Variants in LAPTM4B observed in about 807,000 individuals in gnomAD.
LAPTM4B encodes lysosomal protein transmembrane 4 beta, also known as lysosomal-associated transmembrane protein 4B.
In LAPTM4B, 26 loss-of-function variants were observed where a neutral mutation model predicts 28.5. The ratio of observed to expected loss-of-function variants is 0.91; its 90% CI spans 0.67 to 1.27. LAPTM4B has a LOEUF of 1.27. Among genes scored for constraint, LAPTM4B ranks in the 50% most tolerant of loss-of-function variants. LAPTM4B has a pLI of 0.00. For missense variants in LAPTM4B, 288 were observed against 285.8 expected (o/e 1.01, Z -0.06); for synonymous variants, 109 against 106.4 (o/e 1.02, Z -0.15).
intron 1 of LAPTM4B, among the ~76,000 whole-genome samples, chr8:97,787,219 C>T (rs1816417341): frequency 6.6e-6 from 1 of 151,748 alleles, no homozygotes; most frequent in Admixed American, 6.6e-5. Context: ...ATCACTTTCA[C>T]TTACATCCCA....
At chr8:97,804,031 A>G (rs1816725967) in intron 1 of LAPTM4B, among the ~76,000 whole-genome samples, 1 of 152,266 alleles carries the variant, frequency 6.6e-6, no homozygotes, top group South Asian at 2.1e-4. Context: ...ATTTGAGAAG[A>G]GTAAAACATA....
Position 97,800,484 on chromosome 8 carries a change from C to CTTTTTTTTTTTTT in LAPTM4B, c.100-4854_100-4842dup, listed in dbSNP as rs546425169. On this transcript the variant is annotated intron_variant, in intron 1 of 6. Transcript: ENST00000521545. ...CTTCTGTAATATTACCCCTTGACCT[C>CTTTTTTTTTTTTT]TTTTTTTTTTTTTTTTTTTTTTTTT... 2.9e-4 allele frequency among the ~76,000 whole-genome samples: 20 copies of CTTTTTTTTTTTTT among 69,326 alleles called. 2 individuals carry two copies. The highest frequency in any genetic ancestry group is 1.5e-3 in the African/African-American group (20 of 13,392). The allele number at this position is 69,326 out of a possible 152,430, so 45.5% of individuals were successfully genotyped here.
chr8:97,809,147 T>C (rs1307624232), intron 2 of LAPTM4B, among the ~76,000 whole-genome samples: 1 of 152,122 alleles, frequency 6.6e-6, no homozygotes, highest in Non-Finnish European at 1.5e-5. Context: ...TCATGTCAGA[T>C]AGTTATTACC....
intron 6 of LAPTM4B, among the ~76,000 whole-genome samples, chr8:97,833,340 C>T (rs1430923122): frequency 6.6e-6 from 1 of 151,966 alleles, no homozygotes; most frequent in African/African-American, 2.4e-5. Context: ...GAAATAGCAG[C>T]GAAACTCCAT....
rs754085177 is a variant in LAPTM4B, at chr8:97,805,455, G to A, written c.202G>A (p.Asp68Asn). The stretch of plus-strand genomic sequence containing the variant: ...ACTGGGAGGTGACTTTGAGTTCATG[G>A]ATGATGCCAGTAAGTAGTAGATATT... ...SELGGDFEFM[D>N]DANMCIAIAI... Residue 68 changes from aspartate to asparagine, a missense_variant, in exon 2 of 7, where the codon GAT becomes AAT. Coordinates refer to ENST00000521545, the MANE Select transcript of LAPTM4B (RefSeq NM_018407.6). 3 of 1,584,716 alleles carry A rather than the reference G, an allele frequency of 1.9e-6. No individual in the cohort carries two copies. The highest frequency in any genetic ancestry group is 2.6e-6 in the Non-Finnish European group (3 of 1,153,912).
intron 6 of LAPTM4B, among the ~76,000 whole-genome samples, chr8:97,834,926 G>A (rs930671619): frequency 2.6e-5 from 4 of 152,180 alleles, no homozygotes; most frequent in Non-Finnish European, 5.9e-5. Flanking sequence ...GCTTTTTAAA[G>A]CAGGGCTCTG....
chr8:97,794,756 C>G (rs1355597700), intron 1 of LAPTM4B, among the ~76,000 whole-genome samples: 2 of 152,156 alleles, frequency 1.3e-5, no homozygotes, highest in African/African-American at 4.8e-5. Context: ...CTCTGTCACC[C>G]ACGCTGGAGT....
intron 6 of LAPTM4B, among the ~76,000 whole-genome samples, chr8:97,842,844 C>A (rs1303399913): frequency 6.8e-6 from 1 of 147,576 alleles, no homozygotes; most frequent in Non-Finnish European, 1.5e-5. Context: ...GTAAGGATAT[C>A]TTTTTCCTGC....
At chr8:97,806,170 G>A (rs1482731355) in intron 2 of LAPTM4B, among the ~76,000 whole-genome samples, 2 of 152,174 alleles carry the variant, frequency 1.3e-5, no homozygotes, top group South Asian at 4.1e-4. Context: ...GAGATCGGAA[G>A]CATTCGAAAG....
At chr8:97,777,676 G>C (rs1315797314) in intron 1 of LAPTM4B, among the ~76,000 whole-genome samples, 1 of 152,274 alleles carries the variant, frequency 6.6e-6, no homozygotes, top group South Asian at 2.1e-4. Flanking sequence ...AATTTTTGGC[G>C]TGAAAGTATT....
intron 5 of LAPTM4B, among the ~76,000 whole-genome samples, chr8:97,823,041 T>C (rs1349539217): frequency 1.3e-5 from 2 of 152,016 alleles, no homozygotes; most frequent in Non-Finnish European, 2.9e-5. Context: ...CAGGGTTTCA[T>C]CGCGTTAGCC....
At chr8:97,829,345 G>A (rs1817143346) in intron 6 of LAPTM4B, among the ~76,000 whole-genome samples, 1 of 152,178 alleles carries the variant, frequency 6.6e-6, no homozygotes, top group African/African-American at 2.4e-5. Context: ...TGAGCGGTAA[G>A]CGTCTTTCTA....
At chr8:97,812,182 A>G (rs1816839309) in intron 2 of LAPTM4B, among the ~76,000 whole-genome samples, 1 of 150,560 alleles carries the variant, frequency 6.6e-6, no homozygotes. Flanking sequence ...ACTTTTTTTT[A>G]AAGGATAAGT....
Position 97,851,514 on chromosome 8 carries a change from T to G in LAPTM4B, c.*40T>G, listed in dbSNP as rs1444686960. ...GGAGCTGAGGGCAGCAGCTTGACTT[T>G]GCAGACATCTGAGCAATAGTTCTGT... On this transcript the variant is annotated 3_prime_UTR_variant, in exon 7 of 7. Coordinates refer to ENST00000521545, the MANE Select transcript of LAPTM4B (RefSeq NM_018407.6). 7.0e-7 allele frequency: 1 copy of G among 1,428,434 alleles called. No homozygotes were observed. Among genetic ancestry groups the G allele is most frequent in the African/African-American group, 1.4e-5 (1 of 70,866 alleles). 88.5% of individuals were successfully genotyped at this position (1,428,434 alleles called of 1,614,324 possible). A position where few individuals can be genotyped will look rare whatever the true frequency, so the allele number is the denominator to read the frequency against.
At chr8:97,837,973 C>A (rs938777601) in intron 6 of LAPTM4B, among the ~76,000 whole-genome samples, 41 of 151,874 alleles carry the variant, frequency 2.7e-4, no homozygotes, top group African/African-American at 9.7e-4. Flanking sequence ...TTTTAAAAGC[C>A]CAAAACAAAA....
At chr8:97,787,226 C>T (rs1350252596) in intron 1 of LAPTM4B, among the ~76,000 whole-genome samples, 1 of 151,790 alleles carries the variant, frequency 6.6e-6, no homozygotes, top group African/African-American at 2.4e-5. Flanking sequence ...TCACTTACAT[C>T]CCAGTAACCA....
intron 2 of LAPTM4B, among the ~76,000 whole-genome samples, chr8:97,811,478 T>C (rs891814188): frequency 6.6e-6 from 1 of 152,180 alleles, no homozygotes; most frequent in African/African-American, 2.4e-5. Context: ...CTGTACTGTG[T>C]GTATGCTTAT....
intron 1 of LAPTM4B, among the ~76,000 whole-genome samples, chr8:97,800,893 C>G (rs940276529): frequency 1.3e-5 from 2 of 152,042 alleles, no homozygotes; most frequent in African/African-American, 4.8e-5. Flanking sequence ...AGGAGGATCA[C>G]TTGAGCCTGA....
Position 97,776,065 on chromosome 8 carries a change from GC to G in LAPTM4B, c.58del (p.His20MetfsTer14), listed in dbSNP as rs1273117846. ...RFYSNSCCLC[C>X]HVRTGTILLG... ...TACTCCAACAGCTGCTGCTTGTGCT[GC>G]CATGTCCGCACCGGCACCATCCTGC... On this transcript the variant is annotated frameshift_variant, in exon 1 of 7. Coordinates refer to ENST00000521545, the MANE Select transcript of LAPTM4B (RefSeq NM_018407.6). LOFTEE classifies it high-confidence loss of function. The G allele has an allele frequency of 6.3e-7, 1 of 1,588,116 alleles. No homozygotes were observed. The highest frequency in any genetic ancestry group is 1.4e-5 in the African/African-American group (1 of 71,758).
Sources: allele counts gnomAD v4.1 joint callset (sites outside exome capture counted in the v4.1 genomes callset), GRCh38; gene constraint gnomAD v4.1.1; transcripts MANE v1.5; gene names NCBI Gene and HGNC (gene_info 2026-07-23, HGNC 2026-07-21).